Variants in STK33 observed in about 807,000 individuals in gnomAD.
The protein encoded by STK33 is serine/threonine kinase 33.
STK33 carries 52 observed loss-of-function variants against 58.0 expected under a neutral mutation model. The observed-to-expected ratio is 0.90, with a 90% CI of 0.72 to 1.13. STK33 has a LOEUF of 1.13. Ranked by LOEUF, STK33 falls within the 50% of genes most tolerant of loss-of-function variation. The probability of loss-of-function intolerance (pLI) is 0.00; values close to 1 mark genes in which losing one functional copy is unlikely to be tolerated. For synonymous variants in STK33, 215 were observed against 200.1 expected (o/e 1.07, Z -0.63); for missense variants, 630 against 604.2 (o/e 1.04, Z -0.45).
At chr11:8,461,361 A>T (rs1006550379) in intron 8 of STK33, among the ~76,000 whole-genome samples, 1 of 152,276 alleles carries the variant, frequency 6.6e-6, no homozygotes, top group East Asian at 1.9e-4. Context: ...AAAACATATC[A>T]GTAAGACATA....
chr11:8,520,390 C>A (rs112486930), intron 1 of STK33, among the ~76,000 whole-genome samples: 2 of 152,120 alleles, frequency 1.3e-5, no homozygotes, highest in African/African-American at 4.8e-5. Context: ...CAATATCATA[C>A]TGAATGGGCA....
intron 1 of STK33, among the ~76,000 whole-genome samples, chr11:8,552,742 T>G (rs937889791): frequency 6.6e-6 from 1 of 152,142 alleles, no homozygotes; most frequent in Non-Finnish European, 1.5e-5. Context: ...AGCACGGAGC[T>G]GTCATCTCCT....
At chr11:8,400,280 C>T (rs555155689) in intron 15 of STK33, among the ~76,000 whole-genome samples, 111 of 152,200 alleles carry the variant, frequency 7.3e-4, no homozygotes, top group Middle Eastern at 3.4e-3. Flanking sequence ...CATGATCAAG[C>T]CGGCTTCATC....
At chr11:8,399,187 C>CA (rs1489818823) in intron 15 of STK33, among the ~76,000 whole-genome samples, 1 of 152,092 alleles carries the variant, frequency 6.6e-6, no homozygotes, top group Non-Finnish European at 1.5e-5. Context: ...CCACACCACA[C>CA]CTATTCCAAA....
At chr11:8,416,248 A>T (rs2135733866) in intron 14 of STK33, among the ~76,000 whole-genome samples, 1 of 152,328 alleles carries the variant, frequency 6.6e-6, no homozygotes, top group South Asian at 2.1e-4. Flanking sequence ...ACCACCGTTC[A>T]ACAGAGTATT....
At chr11:8,463,697 G>A (rs1418335875) in intron 7 of STK33, among the ~76,000 whole-genome samples, 1 of 152,060 alleles carries the variant, frequency 6.6e-6, no homozygotes, top group Non-Finnish European at 1.5e-5. Flanking sequence ...TTCATATACT[G>A]ACTATATAGT....
chr11:8,574,332 C>G (rs1031753501), intron 1 of STK33, among the ~76,000 whole-genome samples: 9 of 152,126 alleles, frequency 5.9e-5, no homozygotes, highest in African/African-American at 1.2e-4. Flanking sequence ...GAAGCGTGCT[C>G]AGAGTCTCCC....
chr11:8,337,866 C>A, the STK33 span, among the ~76,000 whole-genome samples: 27 of 152,286 alleles, frequency 1.8e-4, no homozygotes, highest in Admixed American at 1.1e-3. Flanking sequence ...CATGCCCTCA[C>A]CTTCCAGTCT....
chr11:8,546,792 C>T (rs572433742), intron 1 of STK33, among the ~76,000 whole-genome samples: 11 of 152,306 alleles, frequency 7.2e-5, no homozygotes, highest in African/African-American at 1.7e-4. Flanking sequence ...GAATAATATT[C>T]CGCTGTGTAT....
the STK33 span, among the ~76,000 whole-genome samples, chr11:8,380,916 T>C: frequency 1.3e-5 from 2 of 152,178 alleles, no homozygotes; most frequent in African/African-American, 4.8e-5. Flanking sequence ...TACACACATA[T>C]ATACACACTA....
At chr11:8,547,711 G>A (rs1956034118) in intron 1 of STK33, among the ~76,000 whole-genome samples, 1 of 152,142 alleles carries the variant, frequency 6.6e-6, no homozygotes, top group Non-Finnish European at 1.5e-5. Context: ...CTGTGCAAAA[G>A]CTTTTTAACT....
intron 7 of STK33, 89 bp downstream of exon 7, chr11:8,464,620 C>T (rs1947948006): frequency 2.4e-6 from 2 of 848,398 alleles, no homozygotes; most frequent in Non-Finnish European, 3.7e-6. Context: ...GGGTGAGAGG[C>T]AGCTTGTGTT....
the STK33 span, among the ~76,000 whole-genome samples, chr11:8,368,941 T>C: frequency 6.6e-6 from 1 of 152,154 alleles, no homozygotes; most frequent in South Asian, 2.1e-4. Context: ...GGCAGCCCCA[T>C]TACACAGCTG....
chr11:8,428,674 G>C (rs1036556113), intron 14 of STK33, among the ~76,000 whole-genome samples: 40 of 151,544 alleles, frequency 2.6e-4, no homozygotes, highest in Non-Finnish European at 2.5e-4. Flanking sequence ...AAGGTTCTCA[G>C]TGTCTATTAA....
At chr11:8,489,079 C>T (rs188422601) in intron 1 of STK33, among the ~76,000 whole-genome samples, 1 of 151,840 alleles carries the variant, frequency 6.6e-6, no homozygotes, top group East Asian at 1.9e-4. Context: ...GGCAACAGAG[C>T]TAGACCCTAT....
the STK33 span, among the ~76,000 whole-genome samples, chr11:8,372,447 C>A: frequency 6.6e-6 from 1 of 152,192 alleles, no homozygotes; most frequent in African/African-American, 2.4e-5. Flanking sequence ...AGCCTCACCC[C>A]ACCTGGGGTC....
intron 15 of STK33, among the ~76,000 whole-genome samples, chr11:8,411,718 T>C (rs538346292): frequency 6.6e-6 from 1 of 152,298 alleles, no homozygotes; most frequent in South Asian, 2.1e-4. Flanking sequence ...GGAAGGTTTG[T>C]TACCCACGGC....
At chr11:8,361,178 C>T in the STK33 span, among the ~76,000 whole-genome samples, 1 of 152,150 alleles carries the variant, frequency 6.6e-6, no homozygotes, top group Non-Finnish European at 1.5e-5. This position sits in a 1 kb window ranked among gnomAD's most constrained non-coding sequence, Gnocchi z 4.8. Context: ...CATCTATCCA[C>T]CAGCTATCCC....
At chr11:8,360,516 T>C in the STK33 span, among the ~76,000 whole-genome samples, 12 of 152,374 alleles carry the variant, frequency 7.9e-5, no homozygotes, top group African/African-American at 2.4e-4. Context: ...TTTAAAACAA[T>C]GCCCATTTAT....
Sources: allele counts gnomAD v4.1 joint callset (sites outside exome capture counted in the v4.1 genomes callset), GRCh38; gene constraint gnomAD v4.1.1; non-coding constraint Gnocchi (gnomAD v3.1); transcripts MANE v1.5; gene names NCBI Gene and HGNC (gene_info 2026-07-23, HGNC 2026-07-21).